Variants in REDIC1 observed in about 807,000 individuals in gnomAD.
The protein encoded by REDIC1 is regulator of DNA class I crossover intermediates 1.
the REDIC1 span, among the ~76,000 whole-genome samples, chr12:39,712,575 GTATATATGTATATACGTATATACA>G: frequency 2.8e-4 from 39 of 141,726 alleles, no homozygotes; most frequent in African/African-American, 3.3e-4. Flanking sequence ...ACGTATATAC[GTATATATGTATATACGTATATACA>G]TATATATGTA....
the REDIC1 span, among the ~76,000 whole-genome samples, chr12:39,821,790 C>CT: frequency 2.0e-5 from 3 of 152,260 alleles, no homozygotes; most frequent in Middle Eastern, 3.4e-3. Context: ...GTGGATAAGA[C>CT]TGAATGGGCC....
At chr12:39,859,040 C>T in the REDIC1 span, among the ~76,000 whole-genome samples, 1 of 152,148 alleles carries the variant, frequency 6.6e-6, no homozygotes, top group Non-Finnish European at 1.5e-5. Flanking sequence ...GTAGTGAATA[C>T]AAAATGAATT....
chr12:39,834,810 C>G, the REDIC1 span, among the ~76,000 whole-genome samples: 2 of 152,030 alleles, frequency 1.3e-5, no homozygotes, highest in African/African-American at 4.8e-5. Context: ...TGGCAAAATT[C>G]TTCCAAATAT....
At chr12:39,664,213 T>A in the REDIC1 span, among the ~76,000 whole-genome samples, 1 of 151,468 alleles carries the variant, frequency 6.6e-6, no homozygotes, top group African/African-American at 2.4e-5. Flanking sequence ...CTCCTAATGC[T>A]ATCCCTATAC....
chr12:39,668,124 T>G, the REDIC1 span, among the ~76,000 whole-genome samples: 1 of 152,204 alleles, frequency 6.6e-6, no homozygotes, highest in East Asian at 1.9e-4. Flanking sequence ...GTTAGCTTGT[T>G]ATTTTGCTTG....
the REDIC1 span, among the ~76,000 whole-genome samples, chr12:39,712,695 AC>A: frequency 2.6e-4 from 1 of 3,868 alleles, no homozygotes; most frequent in Non-Finnish European, 6.6e-4. Flanking sequence ...ATATACGTAT[AC>A]GTGTATATAT....
the REDIC1 span, among the ~76,000 whole-genome samples, chr12:39,713,383 T>G: frequency 2.6e-3 from 375 of 145,326 alleles, 2 homozygotes; most frequent in African/African-American, 8.5e-3. Flanking sequence ...TATACATATG[T>G]ATGTGTGTAG....
the REDIC1 span, among the ~76,000 whole-genome samples, chr12:39,677,287 G>A: frequency 1.4e-3 from 214 of 152,144 alleles, no homozygotes; most frequent in African/African-American, 4.7e-3. Context: ...GCGAGCAGGC[G>A]TAGCTATTCT....
At chr12:39,783,557 G>A in the REDIC1 span, among the ~76,000 whole-genome samples, 2 of 152,106 alleles carry the variant, frequency 1.3e-5, no homozygotes, top group East Asian at 1.9e-4. Flanking sequence ...TTTAATGATC[G>A]CCATTCTAAC....
chr12:39,833,452 T>C, the REDIC1 span, among the ~76,000 whole-genome samples: 1 of 152,060 alleles, frequency 6.6e-6, no homozygotes, highest in Non-Finnish European at 1.5e-5. Flanking sequence ...TCCATGGCTC[T>C]GCTTCCCTCT....
At chr12:39,739,722 A>G in the REDIC1 span, among the ~76,000 whole-genome samples, 1 of 152,244 alleles carries the variant, frequency 6.6e-6, no homozygotes. Context: ...CAAAATGGTC[A>G]TAATTCTCTA....
At chr12:39,854,356 T>C in the REDIC1 span, among the ~76,000 whole-genome samples, 1 of 152,142 alleles carries the variant, frequency 6.6e-6, no homozygotes, top group East Asian at 1.9e-4. Context: ...TAACAGAAAC[T>C]ATTATTATTT....
the REDIC1 span, among the ~76,000 whole-genome samples, chr12:39,839,820 A>C: frequency 1.0e-3 from 155 of 152,110 alleles, no homozygotes; most frequent in Non-Finnish European, 1.8e-3. Context: ...TACACTTCCA[A>C]TTGCCCAGTT....
At chr12:39,676,001 G>A in the REDIC1 span, among the ~76,000 whole-genome samples, 1 of 152,154 alleles carries the variant, frequency 6.6e-6, no homozygotes, top group South Asian at 2.1e-4. Context: ...CAAATGAGAA[G>A]GAACCAGAAA....
chr12:39,821,588 T>C, the REDIC1 span, among the ~76,000 whole-genome samples: 4 of 152,204 alleles, frequency 2.6e-5, no homozygotes, highest in Non-Finnish European at 5.9e-5. Context: ...TCAGTTATGC[T>C]TCTGTTCCAC....
At chr12:39,691,932 A>G in the REDIC1 span, 2 of 881,808 alleles carry the variant, frequency 2.3e-6, no homozygotes, top group Non-Finnish European at 1.6e-6. Context: ...ACCATGTTGA[A>G]CTGAAGTAAT....
chr12:39,727,375 C>T, the REDIC1 span, among the ~76,000 whole-genome samples: 1 of 152,128 alleles, frequency 6.6e-6, no homozygotes, highest in African/African-American at 2.4e-5. Context: ...ATATGGCTAG[C>T]CAGTTTTCAC....
At chr12:39,656,364 T>C in the REDIC1 span, among the ~76,000 whole-genome samples, 1 of 152,210 alleles carries the variant, frequency 6.6e-6, no homozygotes, top group Admixed American at 6.5e-5. Context: ...TACCATCTAG[T>C]GACATCGTAG....
chr12:39,670,743 C>CT, the REDIC1 span, among the ~76,000 whole-genome samples: 18 of 146,074 alleles, frequency 1.2e-4, no homozygotes, highest in East Asian at 1.0e-3. Context: ...ATTTCTTCTT[C>CT]TTTTTTTTTT....
Sources: allele counts gnomAD v4.1 joint callset (sites outside exome capture counted in the v4.1 genomes callset), GRCh38; gene constraint gnomAD v4.1.1; transcripts MANE v1.5; gene names NCBI Gene and HGNC (gene_info 2026-07-23, HGNC 2026-07-21).